Variants in DLG2 observed in about 807,000 individuals in gnomAD.
DLG2 encodes the protein disks large homolog 2.
Under a neutral mutation model 132.5 loss-of-function variants are expected in DLG2, and 45 were observed. That is an observed-to-expected ratio of 0.34 (90% CI 0.27 to 0.44). The LOEUF (loss-of-function observed/expected upper bound fraction) is 0.44. Ranked by LOEUF, DLG2 falls within the 20% of genes least tolerant of loss-of-function variation. The probability of loss-of-function intolerance (pLI) is 1.00; values close to 1 mark genes in which losing one functional copy is unlikely to be tolerated. For missense variants in DLG2, 1,045 were observed against 1,196.9 expected (o/e 0.87, Z 1.87); for synonymous variants, 424 against 419.6 (o/e 1.01, Z -0.13).
At chr11:85,213,402 G>A (rs1181024948) in intron 4 of DLG2, among the ~76,000 whole-genome samples, 1 of 152,050 alleles carries the variant, frequency 6.6e-6, no homozygotes, top group African/African-American at 2.4e-5. Context: ...GAAGCTGAGT[G>A]GGGGTGGGGG....
chr11:85,238,452 C>T (rs1397359169), intron 4 of DLG2, among the ~76,000 whole-genome samples: 1 of 151,890 alleles, frequency 6.6e-6, no homozygotes, highest in African/African-American at 2.4e-5. Flanking sequence ...CCATGTTAGC[C>T]AGGCTGTTCT....
intron 7 of DLG2, among the ~76,000 whole-genome samples, chr11:84,420,919 C>T (rs1377641036): frequency 2.0e-5 from 3 of 151,956 alleles, no homozygotes; most frequent in East Asian, 1.9e-4. Flanking sequence ...CTGCCCGCCT[C>T]GGCCTCCCAA....
chr11:84,663,572 T>G lies in DLG2; in HGVS notation c.358-128841A>C, dbSNP rs527892972. Reference sequence around the variant, plus strand: ...GCAGGAACACAGGATATTTATTTACTGTATCTCTTATTCTTTCTATCCCTA... The same window carrying G: ...GCAGGAACACAGGATATTTATTTACGGTATCTCTTATTCTTTCTATCCCTA... On this transcript the variant is annotated intron_variant, in intron 6 of 27. Coordinates refer to ENST00000376104, the MANE Select transcript of DLG2 (RefSeq NM_001142699.3). Among the ~76,000 whole-genome samples the G allele has an allele frequency of 6.6e-4, 100 of 152,320 alleles. 1 individual carries two copies. The highest frequency in any genetic ancestry group is 2.1e-3 in the African/African-American group (88 of 41,584).
At chr11:83,776,070 T>G (rs922481697) in intron 18 of DLG2, among the ~76,000 whole-genome samples, 1 of 152,052 alleles carries the variant, frequency 6.6e-6, no homozygotes, top group Non-Finnish European at 1.5e-5. Context: ...CCAGCCTGGG[T>G]GACAGAGCGA....
At chr11:83,612,348 C>T (rs12276903) in intron 19 of DLG2, among the ~76,000 whole-genome samples, 30,592 of 152,124 alleles carry the variant, frequency 0.2, 3,281 homozygotes, top group African/African-American at 0.24. Flanking sequence ...TATCTCTCAC[C>T]GAATTGGTGT....
At chr11:84,940,992 C>A (rs1156825341) in intron 6 of DLG2, among the ~76,000 whole-genome samples, 1 of 152,040 alleles carries the variant, frequency 6.6e-6, no homozygotes, top group Non-Finnish European at 1.5e-5. Flanking sequence ...CTGTCCTTTC[C>A]CCAATGTATG....
intron 3 of DLG2, among the ~76,000 whole-genome samples, chr11:85,429,225 C>G (rs1483944444): frequency 6.6e-6 from 1 of 152,204 alleles, no homozygotes; most frequent in Non-Finnish European, 1.5e-5. Flanking sequence ...ACCATTCCTT[C>G]TGAAACTATT....
intron 9 of DLG2, among the ~76,000 whole-genome samples, chr11:84,142,319 C>CAA (rs71066094): frequency 3.5e-5 from 3 of 86,882 alleles, no homozygotes; most frequent in South Asian, 3.7e-4. Context: ...GAATCCATCT[C>CAA]AAAAAAAAAA....
intron 3 of DLG2, among the ~76,000 whole-genome samples, chr11:85,457,323 T>C (rs1276670624): frequency 2.6e-5 from 4 of 152,154 alleles, no homozygotes; most frequent in Non-Finnish European, 2.9e-5. Flanking sequence ...TTTGGGCCTA[T>C]GAATGTTGCT....
intron 11 of DLG2, among the ~76,000 whole-genome samples, chr11:84,014,933 A>G (rs1479720365): frequency 2.0e-5 from 3 of 152,156 alleles, no homozygotes; most frequent in South Asian, 2.1e-4. Flanking sequence ...CTTGTTCTGG[A>G]AAGTCCCCTT....
At chr11:85,488,572 T>A (rs1214980814) in intron 3 of DLG2, among the ~76,000 whole-genome samples, 1 of 152,154 alleles carries the variant, frequency 6.6e-6, no homozygotes, top group African/African-American at 2.4e-5. Flanking sequence ...ACTGTCTAAA[T>A]TCAAACTGAG....
chr11:84,439,624 G>A (rs1419487031), intron 7 of DLG2, among the ~76,000 whole-genome samples: 1 of 152,110 alleles, frequency 6.6e-6, no homozygotes. Context: ...GAAATCCAAC[G>A]AATAAATATA....
intron 7 of DLG2, among the ~76,000 whole-genome samples, chr11:84,351,383 A>C (rs930745232): frequency 3.2e-4 from 48 of 152,122 alleles, no homozygotes; most frequent in African/African-American, 1.1e-3. Context: ...TTATATTCAT[A>C]TTTATAAAAC....
intron 3 of DLG2, among the ~76,000 whole-genome samples, chr11:85,422,124 C>A (rs939095001): frequency 6.6e-6 from 1 of 152,144 alleles, no homozygotes; most frequent in Admixed American, 6.5e-5. Flanking sequence ...AGATTCTTTC[C>A]TTCATCTTAA....
chr11:84,160,006 G>T (rs2095511728), intron 9 of DLG2, among the ~76,000 whole-genome samples: 1 of 152,140 alleles, frequency 6.6e-6, no homozygotes, highest in East Asian at 1.9e-4. Context: ...CAGTTACTTT[G>T]GCCCTGAGAA....
intron 7 of DLG2, among the ~76,000 whole-genome samples, chr11:84,254,922 A>G (rs748612049): frequency 1.3e-5 from 2 of 152,210 alleles, no homozygotes; most frequent in African/African-American, 4.8e-5. Flanking sequence ...CATATATCAC[A>G]TACACCTGAC....
intron 4 of DLG2, among the ~76,000 whole-genome samples, chr11:85,212,368 A>C (rs2082309298): frequency 6.6e-6 from 1 of 151,946 alleles, no homozygotes; most frequent in South Asian, 2.1e-4. Context: ...TCTCTTTATA[A>C]GAAGCTATGA....
intron 6 of DLG2, among the ~76,000 whole-genome samples, chr11:84,714,058 C>T (rs143802845): frequency 6.6e-6 from 1 of 152,070 alleles, no homozygotes; most frequent in East Asian, 1.9e-4. Context: ...TAGGAAAATA[C>T]ACACTAAAAT....
chr11:83,874,197 AAG>A (rs1299390785), intron 16 of DLG2, among the ~76,000 whole-genome samples: 2 of 124,788 alleles, frequency 1.6e-5, no homozygotes, highest in African/African-American at 6.1e-5. Context: ...GGACAAAAGA[AAG>A]AGAAAGAAAG....
Sources: gnomAD v4.1 joint callset for allele counts (sites outside exome capture counted in the v4.1 genomes callset) on GRCh38, gnomAD v4.1.1 for gene constraint, MANE v1.5 for transcripts, NCBI Gene and HGNC (gene_info 2026-07-23, HGNC 2026-07-21) for gene names.